The following ATE1 variants were observed in gnomAD, a reference collection of about 807,000 sequenced individuals.
The protein encoded by ATE1 is arginyl-tRNA--protein transferase 1.
A neutral mutation model predicts 70.5 loss-of-function variants in ATE1; 36 were observed. The ratio of observed to expected loss-of-function variants is 0.51; its 90% CI spans 0.39 to 0.67. ATE1 has a LOEUF of 0.67. Ranked by LOEUF, ATE1 falls within the 30% of genes least tolerant of loss-of-function variation. The pLI, the probability that ATE1 is intolerant of heterozygous loss-of-function variation, is 0.00. For synonymous variants in ATE1, 232 were observed against 219.3 expected, an observed-to-expected ratio of 1.06 and a Z score of -0.51; for missense variants, 593 against 629.5, an observed-to-expected ratio of 0.94 and a Z score of 0.62.
chr10:121,811,879 G>A (rs943550657), intron 10 of ATE1, among the ~76,000 whole-genome samples: 2 of 151,282 alleles, frequency 1.3e-5, no homozygotes, highest in Non-Finnish European at 2.9e-5. Context: ...ACTACGTGGT[G>A]CTATACTGGA....
chr10:121,741,339 A>G lies in ATE1; in HGVS notation c.*2341T>C, dbSNP rs1944140353. 6.6e-6 allele frequency: 1 copy of G among 152,226 alleles called. No homozygotes were observed. Among genetic ancestry groups the G allele is most frequent in the South Asian group, 2.1e-4 (1 of 4,826 alleles). The allele number at this position is 152,226 out of a possible 1,614,324, so 9.4% of individuals were successfully genotyped here. ...ATACACTAGCTATTCTCAAACCAAC[A>G]TAATGCATGAATACAGCAGCCAAGT... On this transcript the variant is annotated 3_prime_UTR_variant, in exon 12 of 12. Coordinates refer to ENST00000224652, the MANE Select transcript of ATE1 (RefSeq NM_001001976.3).
intron 4 of ATE1, among the ~76,000 whole-genome samples, chr10:121,912,943 A>G (rs911221354): frequency 6.9e-6 from 1 of 143,896 alleles, no homozygotes; most frequent in African/African-American, 2.5e-5. Flanking sequence ...GCAGTGGCAC[A>G]ATGTCGGCTC....
intron 9 of ATE1, among the ~76,000 whole-genome samples, chr10:121,837,053 G>T (rs540220435): frequency 9.9e-5 from 15 of 152,222 alleles, no homozygotes; most frequent in Admixed American, 2.0e-4. Flanking sequence ...CACTTTATTG[G>T]ACAAAGTAGC....
chr10:121,757,569 A>G (rs536386333), intron 11 of ATE1, among the ~76,000 whole-genome samples: 1 of 152,348 alleles, frequency 6.6e-6, no homozygotes, highest in Non-Finnish European at 1.5e-5. Flanking sequence ...AAGCCTCACA[A>G]TCATGGTGGA....
intron 8 of ATE1, among the ~76,000 whole-genome samples, chr10:121,841,592 A>G (rs1020700440): frequency 6.6e-6 from 1 of 152,220 alleles, no homozygotes; most frequent in African/African-American, 2.4e-5. Context: ...AGGCATAAAA[A>G]GGAACAAAAT....
intron 4 of ATE1, 92 bp from the exon 5 acceptor site, chr10:121,911,243 G>A (rs1951413265): frequency 1.4e-6 from 2 of 1,452,148 alleles, no homozygotes; most frequent in Non-Finnish European, 1.9e-6. Context: ...TATCCATTGT[G>A]GCAGAATTAC....
chr10:121,791,394 A>T (rs1946450308), intron 10 of ATE1, among the ~76,000 whole-genome samples: 1 of 151,980 alleles, frequency 6.6e-6, no homozygotes, highest in Admixed American at 6.6e-5. Context: ...GTGCCTGGCC[A>T]ATTTATATTT....
rs555010724 is a variant in ATE1 at position 121,800,347 on chromosome 10, T to G, written c.1258-10058A>C. On this transcript the variant is annotated intron_variant, in intron 10 of 11. Coordinates refer to ENST00000224652, the MANE Select transcript of ATE1 (RefSeq NM_001001976.3). Reference sequence around the variant, plus strand: ...AATTGGAAACATCTGGGGATGGGCTTGGCCGATTGCAATAAAATTGAAGTT... The same window carrying G: ...AATTGGAAACATCTGGGGATGGGCTGGGCCGATTGCAATAAAATTGAAGTT... Among the ~76,000 whole-genome samples, 117 of 152,306 alleles carry G rather than the reference T, an allele frequency of 7.7e-4. 1 individual carries two copies. The highest frequency in any genetic ancestry group is 2.7e-3 in the African/African-American group (112 of 41,562).
chr10:121,908,811 A>G (rs1951306389), intron 5 of ATE1, among the ~76,000 whole-genome samples: 1 of 152,220 alleles, frequency 6.6e-6, no homozygotes, highest in African/African-American at 2.4e-5. Flanking sequence ...AAATAGACAA[A>G]AGAAAATTTA....
At chr10:121,799,435 G>GA (rs199874530) in intron 10 of ATE1, among the ~76,000 whole-genome samples, 18 of 144,576 alleles carry the variant, frequency 1.2e-4, no homozygotes, top group Admixed American at 2.8e-4. Context: ...CCATGTTTAG[G>GA]AAAACAAAAA....
intron 7 of ATE1, among the ~76,000 whole-genome samples, chr10:121,896,180 T>C (rs1950773559): frequency 6.6e-6 from 1 of 152,188 alleles, no homozygotes; most frequent in Admixed American, 6.5e-5. Flanking sequence ...ATCTAGAAGC[T>C]TGGATAGATC....
At chr10:121,813,820 C>T (rs1947422963) in intron 10 of ATE1, among the ~76,000 whole-genome samples, 1 of 152,210 alleles carries the variant, frequency 6.6e-6, no homozygotes. Context: ...CAGCTCCCTG[C>T]TCTCTCATCT....
intron 4 of ATE1, among the ~76,000 whole-genome samples, chr10:121,911,407 G>A (rs143852244): frequency 4.2e-4 from 63 of 151,072 alleles, no homozygotes; most frequent in African/African-American, 1.5e-3. Context: ...AGACCTGCCT[G>A]GGCAACATAG....
intron 11 of ATE1, among the ~76,000 whole-genome samples, chr10:121,765,366 G>A (rs1378641866): frequency 6.6e-6 from 1 of 152,228 alleles, no homozygotes; most frequent in Non-Finnish European, 1.5e-5. Context: ...AACACAGTAA[G>A]CTCAATTCCA....
intron 11 of ATE1, among the ~76,000 whole-genome samples, chr10:121,764,462 C>A (rs569922736): frequency 1.4e-5 from 2 of 141,112 alleles, no homozygotes; most frequent in African/African-American, 2.7e-5. Context: ...CATAGCAAGA[C>A]CTTGTCTGTA....
intron 8 of ATE1, among the ~76,000 whole-genome samples, chr10:121,855,431 T>C (rs1949211687): frequency 6.6e-6 from 1 of 152,218 alleles, no homozygotes; most frequent in Admixed American, 6.5e-5. Context: ...TGTCTAATTG[T>C]ATATTTGTGA....
At chr10:121,901,817 C>G (rs965692663) in intron 6 of ATE1, among the ~76,000 whole-genome samples, 1 of 151,998 alleles carries the variant, frequency 6.6e-6, no homozygotes, top group Non-Finnish European at 1.5e-5. Context: ...GATCTAGAAA[C>G]GAAAATAAAT....
chr10:121,847,076 A>G (rs898823059), intron 8 of ATE1, among the ~76,000 whole-genome samples: 3 of 152,228 alleles, frequency 2.0e-5, no homozygotes, highest in African/African-American at 7.2e-5. Context: ...AAGTTTCTAC[A>G]TATTAGTGAA....
At chr10:121,790,562 T>C (rs925887426) in intron 10 of ATE1, among the ~76,000 whole-genome samples, 1 of 152,198 alleles carries the variant, frequency 6.6e-6, no homozygotes, top group Non-Finnish European at 1.5e-5. Flanking sequence ...GGAAGAAATA[T>C]TCAATGTGAT....
Sources: gnomAD v4.1 joint callset for allele counts (sites outside exome capture counted in the v4.1 genomes callset) on GRCh38, gnomAD v4.1.1 for gene constraint, MANE v1.5 for transcripts, NCBI Gene and HGNC (gene_info 2026-07-23, HGNC 2026-07-21) for gene names.